PISD: variants seen among roughly 807,000 people sequenced by gnomAD.
PISD encodes phosphatidylserine decarboxylase proenzyme, mitochondrial.
In PISD, 31 loss-of-function variants were observed where a neutral mutation model predicts 43.5. The observed-to-expected ratio is 0.71, with a 90% CI of 0.54 to 0.96. The LOEUF (loss-of-function observed/expected upper bound fraction) is 0.96. Ranked by LOEUF, PISD falls within the 40% of genes least tolerant of loss-of-function variation. The pLI, the probability that PISD is intolerant of heterozygous loss-of-function variation, is 0.00. For synonymous variants in PISD, 259 were observed against 228.7 expected, an observed-to-expected ratio of 1.13 and a Z score of -1.20; for missense variants, 523 against 548.4, an observed-to-expected ratio of 0.95 and a Z score of 0.46.
At chr22:31,642,329 C>T (rs2073758242) in intron 3 of PISD, among the ~76,000 whole-genome samples, 1 of 150,900 alleles carries the variant, frequency 6.6e-6, no homozygotes, top group East Asian at 1.9e-4. Context: ...CATGCCTGTG[C>T]ACCATGTCCC....
At chr22:31,648,538 C>T (rs1003001546) in intron 2 of PISD, among the ~76,000 whole-genome samples, 1 of 151,872 alleles carries the variant, frequency 6.6e-6, no homozygotes, top group African/African-American at 2.4e-5. Context: ...GGCACAGTGG[C>T]GGGCGCCTGT....
At chr22:31,628,361 G>C (rs543944896) in intron 3 of PISD, 13 of 195,124 alleles carry the variant, frequency 6.7e-5, no homozygotes, top group Middle Eastern at 5.3e-3. Flanking sequence ...CCAAGCCAAA[G>C]ATTTCATCCT....
At chr22:31,637,152 AAAAAAAAAAAAAATATAT>A (rs1235979812) in intron 3 of PISD, among the ~76,000 whole-genome samples, 73 of 30,574 alleles carry the variant, frequency 2.4e-3, no homozygotes, top group Non-Finnish European at 4.2e-3. Context: ...TTAAAAAAAA[AAAAAAAAAAAAAATATAT>A]ATATATATAT....
intron 3 of PISD, among the ~76,000 whole-genome samples, chr22:31,625,289 C>T (rs1407841589): frequency 6.6e-6 from 1 of 152,192 alleles, no homozygotes; most frequent in Non-Finnish European, 1.5e-5. Context: ...TTTAAAAGGT[C>T]CAGGAAGGTG....
chr22:31,650,482 T>C (rs111457236), intron 2 of PISD, among the ~76,000 whole-genome samples: 4 of 150,836 alleles, frequency 2.7e-5, no homozygotes, highest in African/African-American at 9.8e-5. Flanking sequence ...TAAGCCGAGA[T>C]TGCATCATTG....
At chr22:31,647,174 T>C (rs1272502285) in intron 3 of PISD, among the ~76,000 whole-genome samples, 2 of 152,172 alleles carry the variant, frequency 1.3e-5, no homozygotes, top group East Asian at 3.8e-4. Context: ...CTAGATAAAC[T>C]GTTAGAGCTG....
Position 31,628,049 on chromosome 22 carries a change from C to G in PISD, c.322-6164G>C, listed in dbSNP as rs1316824341. 1.4e-5 allele frequency: 14 copies of G among 985,522 alleles called. No individual in the cohort carries two copies. In the East Asian group the frequency reaches 7.9e-4, roughly 56 times the overall value. The allele number at this position is 985,522 out of a possible 1,614,324, so 61.0% of individuals were successfully genotyped here. A position where few individuals can be genotyped will look rare whatever the true frequency, so the allele number is the denominator to read the frequency against. ...GCAGGGCGTCCTTGCCCATTTAGATCCTTGTCTTTATCACTGTTCTGCCTC... is the reference window on the plus strand; with the variant it reads ...GCAGGGCGTCCTTGCCCATTTAGATGCTTGTCTTTATCACTGTTCTGCCTC... On this transcript the variant is annotated intron_variant, in intron 3 of 7. Coordinates refer to ENST00000439502, the MANE Select transcript of PISD (RefSeq NM_001326411.2).
At chr22:31,637,143 T>TAAAAAA (rs1170100945) in intron 3 of PISD, among the ~76,000 whole-genome samples, 3 of 31,620 alleles carry the variant, frequency 9.5e-5, no homozygotes, top group South Asian at 1.1e-3. Context: ...ATAAATAAAT[T>TAAAAAA]AAAAAAAAAA....
In PISD at chr22:31,637,757, G is replaced by A. The variant is rs1208066803; in HGVS notation, c.321+10344C>T. ...AGTCTGGGGAAGAGGTCAACTTTTG[G>A]ATCCACTCTTCTGAAGAAGCAAGTG... is the stretch of plus-strand genomic sequence containing the variant. On this transcript the variant is annotated intron_variant, in intron 3 of 7. Coordinates refer to ENST00000439502, the MANE Select transcript of PISD (RefSeq NM_001326411.2). Among the ~76,000 whole-genome samples the A allele has an allele frequency of 3.3e-5, 5 of 152,108 alleles. No homozygotes were observed. In the East Asian group the frequency reaches 9.6e-4, roughly 29 times the overall value.
intron 1 of PISD, among the ~76,000 whole-genome samples, chr22:31,654,588 C>T (rs80302968): frequency 0.011 from 1,673 of 152,280 alleles, 31 homozygotes; most frequent in African/African-American, 0.038. Context: ...CAGATGTTTA[C>T]CAAATGCACT....
chr22:31,654,937 G>A (rs1464768216), intron 1 of PISD, among the ~76,000 whole-genome samples: 6 of 152,006 alleles, frequency 3.9e-5, no homozygotes, highest in African/African-American at 1.5e-4. Flanking sequence ...TTAGATGGGC[G>A]TGGTGGTGTG....
intron 2 of PISD, among the ~76,000 whole-genome samples, chr22:31,648,606 G>A (rs915167203): frequency 1.3e-5 from 2 of 151,358 alleles, no homozygotes; most frequent in African/African-American, 4.9e-5. Context: ...GGCGGAGCTT[G>A]CAGTGAGCCG....
intron 3 of PISD, among the ~76,000 whole-genome samples, chr22:31,635,162 G>A (rs191693309): frequency 1.7e-3 from 236 of 137,260 alleles, no homozygotes; most frequent in Non-Finnish European, 1.7e-3. Flanking sequence ...GTAAAACTCC[G>A]TCTCAAAAAA....
At chr22:31,625,636 G>T in intron 3 of PISD, 2 of 1,244,916 alleles carry the variant, frequency 1.6e-6, no homozygotes. Flanking sequence ...GGCTCCTCCA[G>T]CCTCGGGGGC....
chr22:31,662,039 G>A (rs1484577541), intron 1 of PISD, 105 bp downstream of exon 1: 3 of 1,036,906 alleles, frequency 2.9e-6, no homozygotes, highest in East Asian at 2.4e-5. Context: ...GTCTCCACCC[G>A]AGCTCGCCTC....
intron 7 of PISD, among the ~76,000 whole-genome samples, chr22:31,620,047 C>T (rs967990173): frequency 6.6e-5 from 10 of 152,116 alleles, no homozygotes; most frequent in African/African-American, 2.4e-4. Context: ...GTGAACTGGG[C>T]CCAGGGAGGA....
intron 3 of PISD, among the ~76,000 whole-genome samples, 192 bp from the exon 4 acceptor site, chr22:31,622,077 C>T (rs527599233): frequency 2.0e-5 from 3 of 152,372 alleles, no homozygotes; most frequent in East Asian, 1.9e-4. Context: ...ACCTGCCACA[C>T]GGAGTGCTGG....
chr22:31,657,381 C>T (rs955215293), intron 1 of PISD, among the ~76,000 whole-genome samples: 3 of 152,120 alleles, frequency 2.0e-5, no homozygotes, highest in East Asian at 3.9e-4. Context: ...GTGATCCACC[C>T]GCCTCAGCCT....
intron 3 of PISD, chr22:31,629,305 T>C (rs2073074741): frequency 1.3e-6 from 1 of 794,532 alleles, no homozygotes; most frequent in Admixed American, 6.3e-5. Context: ...GGTATGTGCA[T>C]GGAGGGGTGC....
Sources: gnomAD v4.1 joint callset for allele counts (sites outside exome capture counted in the v4.1 genomes callset) on GRCh38, gnomAD v4.1.1 for gene constraint, MANE v1.5 for transcripts, NCBI Gene and HGNC (gene_info 2026-07-23, HGNC 2026-07-21) for gene names.